CDH23: variants seen among roughly 807,000 people sequenced by gnomAD.
CDH23 encodes cadherin-23.
In CDH23, 189 loss-of-function variants were observed where a neutral mutation model predicts 317.1. The ratio of observed to expected loss-of-function variants is 0.60; its 90% CI spans 0.53 to 0.67. The LOEUF is 0.67. Ranked by LOEUF, CDH23 falls within the 30% of genes least tolerant of loss-of-function variation. CDH23 has a pLI of 0.00. For missense variants in CDH23, 4,401 were observed against 4,592.4 expected (o/e 0.96, Z 1.20); for synonymous variants, 1,839 against 1,876.8 (o/e 0.98, Z 0.52).
chr10:71,530,302 C>A (rs1855296874), intron 6 of CDH23, among the ~76,000 whole-genome samples: 2 of 152,178 alleles, frequency 1.3e-5, no homozygotes, highest in South Asian at 4.1e-4. Context: ...AGAGAGAGGC[C>A]CACCTTTCCC....
At chr10:71,675,522 A>C (rs1195604192) in intron 15 of CDH23, among the ~76,000 whole-genome samples, 1 of 152,246 alleles carries the variant, frequency 6.6e-6, no homozygotes, top group Non-Finnish European at 1.5e-5. Context: ...TGTCAGGCTC[A>C]TGATGGCCAA....
intron 2 of CDH23, among the ~76,000 whole-genome samples, chr10:71,445,380 G>C (rs1023076645): frequency 6.6e-6 from 1 of 152,130 alleles, no homozygotes; most frequent in Non-Finnish European, 1.5e-5. Context: ...ACACCAAATC[G>C]TCTTGTGGGT....
At chr10:71,675,477 G>A (rs976975585) in intron 15 of CDH23, among the ~76,000 whole-genome samples, 5 of 152,162 alleles carry the variant, frequency 3.3e-5, no homozygotes, top group Non-Finnish European at 5.9e-5. Context: ...ACTAGCGACA[G>A]CACACCGCCA....
chr10:71,510,943 T>A lies in CDH23; in HGVS notation c.289-11T>A. On this transcript the variant is annotated splice_polypyrimidine_tract_variant and intron_variant, in intron 4 of 69. Transcript: ENST00000224721. ...CTAACTGCCCCCCTCCCTCTCTCAC[T>A]TTTCTTTCAGACCAAGTCAGAGTTC... The A allele has an allele frequency of 2.5e-6, 4 of 1,613,844 alleles. No individual in the cohort carries two copies. Among genetic ancestry groups the A allele is most frequent in the Non-Finnish European group, 3.4e-6 (4 of 1,179,824 alleles).
At chr10:71,716,082 G>A in intron 28 of CDH23, 2 of 1,526,322 alleles carry the variant, frequency 1.3e-6, no homozygotes, top group Non-Finnish European at 1.8e-6. Context: ...AGCCGGAGCT[G>A]GGGCTCACTG....
chr10:71,738,532 G>A lies in CDH23; in HGVS notation c.4244G>A (p.Ser1415Asn), dbSNP rs750608216. The A allele has an allele frequency of 2.2e-5, 35 of 1,613,976 alleles. No homozygotes were observed. The highest frequency in any genetic ancestry group is 2.9e-5 in the Non-Finnish European group (34 of 1,179,896). The part of the protein sequence containing the change: ...YITVLDENDN[S>N]PRFDFTSDSA... ...ACTGTGCTGGACGAGAATGACAACA[G>A]CCCCCGGTTTGACTTCACCTCCGAC... Residue 1415 changes from serine to asparagine, a missense_variant, in exon 35 of 70, where the codon AGC becomes AAC. Transcript: ENST00000224721.
At chr10:71,813,186 G>A (rs866589092) in intron 68 of CDH23, 58 bp from the exon 69 acceptor site, 62 of 1,477,810 alleles carry the variant, frequency 4.2e-5, no homozygotes, top group Middle Eastern at 4.3e-4. Context: ...GGGAGTGGGC[G>A]AGGGGCGGGG....
At chr10:71,752,257 AG>A (rs1840023939) in intron 38 of CDH23, among the ~76,000 whole-genome samples, 1 of 152,194 alleles carries the variant, frequency 6.6e-6, no homozygotes, top group Non-Finnish European at 1.5e-5. Flanking sequence ...TCTTGAGCTG[AG>A]GGGAGGGGTT....
chr10:71,446,390 C>T lies in CDH23; in HGVS notation c.140C>T (p.Pro47Leu). 6.2e-7 allele frequency: 1 copy of T among 1,614,040 alleles called. No homozygotes were observed. Among genetic ancestry groups the T allele is most frequent in the South Asian group, 1.1e-5 (1 of 91,080 alleles). The change falls in exon 3 of 70, where the codon CCT becomes CTT. Residue 47 changes from proline to leucine, a missense_variant. Physicochemically the swap from Pro to Leu is moderately conservative, Grantham distance 98 (BLOSUM62 -3). Around this residue, in one of 3 missense-constraint regions of CDH23, gnomAD observed 3,068 missense variants for 3,203.3 expected, o/e 0.96. Coordinates refer to ENST00000224721, the MANE Select transcript of CDH23 (RefSeq NM_022124.6). The part of the protein sequence containing the change: ...DTYLLISEDT[P>L]VGSSVTQLLA... ...TACCTGCTGATCAGCGAGGACACGC[C>T]TGTGGGTGAGTGGGGGCATGGGCTG...
chr10:71,648,286 G>A (rs1862993753), intron 14 of CDH23, among the ~76,000 whole-genome samples: 1 of 152,192 alleles, frequency 6.6e-6, no homozygotes, highest in Non-Finnish European at 1.5e-5. Flanking sequence ...GCAAGTGCCA[G>A]AGGCTCTGGC....
intron 11 of CDH23, among the ~76,000 whole-genome samples, chr10:71,632,690 C>G (rs1252987820): frequency 1.3e-5 from 2 of 152,106 alleles, no homozygotes; most frequent in Non-Finnish European, 2.9e-5. Context: ...GTGCAGCGGC[C>G]AGGTTCCATC....
At chr10:71,729,313 T>G (rs1866956894) in intron 30 of CDH23, among the ~76,000 whole-genome samples, 1 of 152,174 alleles carries the variant, frequency 6.6e-6, no homozygotes, top group Non-Finnish European at 1.5e-5. Flanking sequence ...GGTGTGAAAG[T>G]AATGTGTAAG....
At chr10:71,809,018 A>C (rs981873198) in intron 60 of CDH23, among the ~76,000 whole-genome samples, 2 of 152,040 alleles carry the variant, frequency 1.3e-5, no homozygotes, top group Non-Finnish European at 2.9e-5. Context: ...TATTTTAATA[A>C]ATCAAGGCAC....
chr10:71,616,944 C>T (rs1861220174), intron 10 of CDH23, among the ~76,000 whole-genome samples: 1 of 152,208 alleles, frequency 6.6e-6, no homozygotes, highest in South Asian at 2.1e-4. Flanking sequence ...GCTGTCAGTC[C>T]TAGGATCCTA....
rs978637567 is a variant in CDH23, at chr10:71,812,108, C to T, written c.9380+93C>T. 422 of 1,607,490 alleles carry T rather than the reference C, an allele frequency of 2.6e-4. 1 individual carries two copies. The highest frequency in any genetic ancestry group is 3.4e-4 in the Non-Finnish European group (397 of 1,175,276). ...TGCAGTCTCCCAGCGCTGGGGCTGC[C>T]GAAACCCAGGCTGTGGGCGCCCCCT... On this transcript the variant is annotated intron_variant, in intron 66 of 69. Coordinates refer to ENST00000224721, the MANE Select transcript of CDH23 (RefSeq NM_022124.6).
intron 3 of CDH23, among the ~76,000 whole-genome samples, chr10:71,495,934 G>A (rs531149870): frequency 1.2e-3 from 177 of 152,320 alleles, no homozygotes; most frequent in African/African-American, 4.1e-3. Context: ...TCTCAGACAG[G>A]CAGCATTAGT....
chr10:71,455,571 C>T (rs78800813), intron 3 of CDH23, among the ~76,000 whole-genome samples: 6 of 152,122 alleles, frequency 3.9e-5, no homozygotes, highest in East Asian at 1.9e-4. Flanking sequence ...ATTGTGCATG[C>T]GAACAGAAGA....
chr10:71,732,846 G>A, intron 32 of CDH23: 1 of 324,836 alleles, frequency 3.1e-6, no homozygotes, highest in Non-Finnish European at 4.7e-6. Flanking sequence ...TGACTCTCTT[G>A]ACACCAGCTG....
At chr10:71,454,665 C>T (rs997493656) in intron 3 of CDH23, among the ~76,000 whole-genome samples, 5 of 152,092 alleles carry the variant, frequency 3.3e-5, no homozygotes, top group African/African-American at 1.2e-4. Flanking sequence ...GTCTGCCCCT[C>T]CCAGCTACAC....
Sources: allele counts gnomAD v4.1 joint callset (sites outside exome capture counted in the v4.1 genomes callset), GRCh38; gene constraint gnomAD v4.1.1; regional missense constraint gnomAD v4.1.1; transcripts MANE v1.5; gene names NCBI Gene and HGNC (gene_info 2026-07-23, HGNC 2026-07-21).